NCF2: variants seen among roughly 807,000 people sequenced by gnomAD.
NCF2 encodes neutrophil cytosol factor 2.
In NCF2, 45 loss-of-function variants were observed where a neutral mutation model predicts 70.9. That is an observed-to-expected ratio of 0.63 (90% confidence interval 0.50 to 0.81). The LOEUF (loss-of-function observed/expected upper bound fraction) is 0.81. Among genes scored for constraint, NCF2 ranks in the 40% least tolerant of loss-of-function variants. NCF2 has a pLI of 0.00. For synonymous variants in NCF2, 203 were observed against 233.6 expected (o/e 0.87, Z 1.19); for missense variants, 522 against 631.6 (o/e 0.83, Z 1.86).
In NCF2 at chr1:183,590,371, CAGAG is replaced by C. The variant is rs1368833094; in HGVS notation, c.-46_-43del. 1.2e-6 allele frequency: 2 copies of C among 1,612,186 alleles called. No homozygotes were observed. Among genetic ancestry groups the C allele is most frequent in the East Asian group, 2.2e-5 (1 of 44,864 alleles). ...GGAGGCCAAGAGAGCTGCCAGGAGA[CAGAG>C]AGAAGACAGGTTGGAGCGTCTCCCC... is the stretch of plus-strand genomic sequence containing the variant. On this transcript the variant is annotated 5_prime_UTR_variant, in exon 1 of 15. Transcript: ENST00000367535.
intron 12 of NCF2, 23 bp from the exon 13 acceptor site, chr1:183,563,329 A>G: frequency 1.2e-6 from 2 of 1,613,828 alleles, no homozygotes; most frequent in Non-Finnish European, 1.7e-6. Context: ...AATGAGTAAG[A>G]ATCCAGTCAA....
Position 183,577,667 on chromosome 1 carries a change from G to C in NCF2, c.298C>G (p.Gln100Glu), listed in dbSNP as rs119103276. The C allele has an allele frequency of 6.4e-4, 1,035 of 1,614,074 alleles. 10 individuals are homozygous for C. The South Asian group carries it at 7.5e-3, about 12-fold the overall frequency. Residue 100 changes from glutamine to glutamate, a missense_variant, in exon 3 of 15, where the codon CAG becomes GAG. Coordinates refer to ENST00000367535, the MANE Select transcript of NCF2 (RefSeq NM_000433.4). The part of the protein sequence containing the change: ...AIKDLKEALI[Q>E]LRGNQLIDYK... ...TCTATCAGCTGGTTCCCTCGAAGCT[G>C]AATCAAGGCTTCTTTAAGGTCTTTG...
At chr1:183,567,686 G>A (rs1672373793) in intron 7 of NCF2, among the ~76,000 whole-genome samples, 1 of 152,290 alleles carries the variant, frequency 6.6e-6, no homozygotes, top group Middle Eastern at 3.4e-3. Flanking sequence ...GGGCTGGGGT[G>A]GGGTGGATCA....
upstream of NCF2, among the ~76,000 whole-genome samples, chr1:183,593,851 C>A (rs566282079): frequency 1.4e-4 from 21 of 152,278 alleles, no homozygotes; most frequent in Admixed American, 1.4e-3. Context: ...CCTCCAGTTT[C>A]CTGAAGCCAT....
In NCF2 at chr1:183,574,595, A is replaced by G; in HGVS notation, c.393T>C (p.Tyr131=). Residue 131 remains tyrosine (Y), a synonymous_variant, in exon 4 of 15, where the codon TAT becomes TAC. Coordinates refer to ENST00000367535, the MANE Select transcript of NCF2 (RefSeq NM_000433.4). The stretch of plus-strand genomic sequence containing the variant: ...CTTTTTTCCATTCCTCCTTCTTGGC[A>G]TACATGAAAGCAATGTTATATAACA... ...CEVLYNIAFM[Y]AKKEEWKKAE... 1 of 1,614,178 alleles carries G rather than the reference A, an allele frequency of 6.2e-7. No homozygotes were observed.
intron 11 of NCF2, 180 bp from the exon 12 acceptor site, chr1:183,563,765 G>C: frequency 1.2e-6 from 1 of 835,248 alleles, no homozygotes; most frequent in African/African-American, 1.7e-5. Context: ...CCCAACCCTT[G>C]CTTGGACAGG....
At chr1:183,575,338 CAG>C (rs1201787897) in intron 3 of NCF2, among the ~76,000 whole-genome samples, 2 of 152,278 alleles carry the variant, frequency 1.3e-5, no homozygotes, top group Admixed American at 6.5e-5. Context: ...GGCATGGTGG[CAG>C]GCACCTGTAA....
rs767435337 is a variant in NCF2 at position 183,574,478 on chromosome 1, TACGCTTAC to T, written c.501+1_501+8del. 3.7e-6 allele frequency: 6 copies of T among 1,614,082 alleles called. No individual in the cohort carries two copies. The South Asian group carries it at 6.6e-5, about 18-fold the overall frequency. Reference sequence around the variant, plus strand: ...ATCCTCTCAACACCTGCATCACCAATACGCTTACCCAGACACACTCCATCGCCTTGTCG... The same window carrying T: ...ATCCTCTCAACACCTGCATCACCAATCCAGACACACTCCATCGCCTTGTCG... On this transcript the variant is annotated splice_donor_variant and splice_donor_5th_base_variant and intron_variant, in intron 4 of 14. Coordinates refer to ENST00000367535, the MANE Select transcript of NCF2 (RefSeq NM_000433.4). LOFTEE classifies it high-confidence loss of function.
Position 183,590,204 on chromosome 1 carries a change from G to A in NCF2, c.126C>T (p.Asn42=), listed in dbSNP as rs1673576383. 2 of 1,614,214 alleles carry A rather than the reference G, an allele frequency of 1.2e-6. No homozygotes were observed. The highest frequency in any genetic ancestry group is 1.7e-5 in the Admixed American group (1 of 60,030). ...TCAGGATAGTGTACATGCAGCCAAT[G>A]TTGAAGCAAATCCGGGAGTGGGGGT... ...VQDPHSRICF[N]IGCMYTILKN... is the part of the protein sequence containing the mutation. The change falls in exon 1 of 15, where the codon AAC becomes AAT. Residue 42 remains asparagine, a synonymous_variant. Coordinates refer to ENST00000367535, the MANE Select transcript of NCF2 (RefSeq NM_000433.4).
intron 5 of NCF2, 87 bp from the exon 6 acceptor site, chr1:183,570,926 G>A: frequency 7.7e-7 from 1 of 1,301,090 alleles, no homozygotes; most frequent in Admixed American, 1.7e-5. Context: ...CCCTAGACCT[G>A]TTCTTACGTG....
In NCF2 at chr1:183,569,300, C is replaced by T. The variant is rs184588496; in HGVS notation, c.670-115G>A. 1.9e-3 allele frequency: 1,880 copies of T among 992,806 alleles called. 8 individuals carry two copies. Among genetic ancestry groups the T allele is most frequent in the Non-Finnish European group, 2.4e-3 (1,468 of 618,492 alleles). The allele number at this position is 992,806 out of a possible 1,614,324, so 61.5% of individuals were successfully genotyped here. On this transcript the variant is annotated intron_variant, in intron 6 of 14. Coordinates refer to ENST00000367535, the MANE Select transcript of NCF2 (RefSeq NM_000433.4). ...TCTTCCAGACCAGAAAATCAAATAACGCATTTCTGACTGATGAGAACACTG... is the reference window on the plus strand; with the variant it reads ...TCTTCCAGACCAGAAAATCAAATAATGCATTTCTGACTGATGAGAACACTG...
intron 13 of NCF2, 131 bp from the exon 14 acceptor site, chr1:183,560,404 T>C (rs1203141518): frequency 7.2e-5 from 74 of 1,031,434 alleles, no homozygotes; most frequent in South Asian, 1.3e-5. Context: ...ATCAGTGCCT[T>C]GTGTAGAGCT....
At chr1:183,564,411 C>A (rs938569191) in intron 10 of NCF2, among the ~76,000 whole-genome samples, 7 of 152,200 alleles carry the variant, frequency 4.6e-5, no homozygotes, top group African/African-American at 1.7e-4. Context: ...AACCACTGAT[C>A]CTCACCTTAT....
At chr1:183,593,853 T>C (rs1011283925), upstream of NCF2, among the ~76,000 whole-genome samples, 4 of 152,206 alleles carry the variant, frequency 2.6e-5, no homozygotes, top group Admixed American at 2.6e-4. Flanking sequence ...TCCAGTTTCC[T>C]GAAGCCATGC....
chr1:183,563,930 C>T (rs1310951047), intron 11 of NCF2, 75 bp downstream of exon 11: 10 of 1,493,408 alleles, frequency 6.7e-6, no homozygotes, highest in African/African-American at 2.8e-5. Flanking sequence ...ATAATCCAGA[C>T]AGACATGTCT....
At chr1:183,591,879 C>T (rs538880599), upstream of NCF2, among the ~76,000 whole-genome samples, 1 of 152,316 alleles carries the variant, frequency 6.6e-6, no homozygotes, top group South Asian at 2.1e-4. Context: ...TGAATTATGA[C>T]TTCTCCCATC....
At chr1:183,588,543 T>TAAATTTAA (rs1673485270) in intron 1 of NCF2, among the ~76,000 whole-genome samples, 1 of 151,884 alleles carries the variant, frequency 6.6e-6, no homozygotes, top group African/African-American at 2.4e-5. Flanking sequence ...TTGTTGCATT[T>TAAATTTAA]CTTGTATTCC....
At chr1:183,587,970 AAT>A (rs1461087583) in intron 1 of NCF2, among the ~76,000 whole-genome samples, 8 of 152,332 alleles carry the variant, frequency 5.3e-5, no homozygotes, top group Admixed American at 5.2e-4. Flanking sequence ...AATATGATTT[AAT>A]ATGATTAGAT....
intron 2 of NCF2, among the ~76,000 whole-genome samples, chr1:183,586,249 G>T (rs554910050): frequency 3.9e-5 from 6 of 152,300 alleles, no homozygotes; most frequent in Admixed American, 2.0e-4. Flanking sequence ...CAGGAGAATC[G>T]CTTGAGCCTG....
Sources: gnomAD v4.1 joint callset for allele counts (sites outside exome capture counted in the v4.1 genomes callset) on GRCh38, gnomAD v4.1.1 for gene constraint, MANE v1.5 for transcripts, NCBI Gene and HGNC (gene_info 2026-07-23, HGNC 2026-07-21) for gene names.